Variants in KLF7 observed in about 807,000 individuals in gnomAD.
KLF7 encodes the protein Krueppel-like factor 7.
In KLF7, 2 loss-of-function variants were observed where a neutral mutation model predicts 27.3. The observed-to-expected ratio is 0.07, with a 90% CI of 0.03 to 0.23. The LOEUF (loss-of-function observed/expected upper bound fraction) is 0.23, where lower values mean the gene tolerates loss of function less well. Among genes scored for constraint, KLF7 ranks in the 10% least tolerant of loss-of-function variants. KLF7 has a pLI of 1.00. For missense variants in KLF7, 221 were observed against 394.1 expected, an observed-to-expected ratio of 0.56 and a Z score of 3.72; for synonymous variants, 165 against 162.4, an observed-to-expected ratio of 1.02 and a Z score of -0.12.
rs1415140086 is a variant in KLF7 at position 207,144,427 on chromosome 2, C to T, written c.103-20023G>A. On this transcript the variant is annotated intron_variant, in intron 1 of 3. Coordinates refer to ENST00000309446, the MANE Select transcript of KLF7 (RefSeq NM_003709.4). Reference sequence around the variant, plus strand: ...CCAAATGAACACTTATACATTTTTTCACCAGAACGAAATAATAGCTCTACT... The same window carrying T: ...CCAAATGAACACTTATACATTTTTTTACCAGAACGAAATAATAGCTCTACT... Among the ~76,000 whole-genome samples, 4 of 152,248 alleles carry T rather than the reference C, an allele frequency of 2.6e-5. No homozygotes were observed. In the East Asian group the frequency reaches 7.7e-4, roughly 29 times the overall value.
intron 1 of KLF7, among the ~76,000 whole-genome samples, chr2:207,132,020 AGAGAGT>A (rs1181355132): frequency 2.0e-5 from 3 of 152,246 alleles, no homozygotes; most frequent in African/African-American, 7.2e-5. Flanking sequence ...TGGGAGACCT[AGAGAGT>A]GATTCCTAAC....
At chr2:207,161,897 G>C (rs2078557929) in intron 1 of KLF7, among the ~76,000 whole-genome samples, 1 of 152,174 alleles carries the variant, frequency 6.6e-6, no homozygotes, top group Admixed American at 6.5e-5. Flanking sequence ...TGAGCAAAGA[G>C]AGGCCTGAAA....
the KLF7 span, among the ~76,000 whole-genome samples, chr2:207,172,902 A>G: frequency 6.6e-6 from 1 of 152,250 alleles, no homozygotes; most frequent in Non-Finnish European, 1.5e-5. Flanking sequence ...GTTTGCCACT[A>G]TGAGAGCAGG....
chr2:207,085,424 G>A (rs76954991), intron 3 of KLF7, among the ~76,000 whole-genome samples: 2,516 of 152,244 alleles, frequency 0.017, 39 homozygotes, highest in Middle Eastern at 0.031. Flanking sequence ...ACCACTGATG[G>A]AAACTGAGCC....
intron 1 of KLF7, among the ~76,000 whole-genome samples, chr2:207,158,268 C>CAA (rs1240139902): frequency 6.6e-6 from 1 of 152,180 alleles, no homozygotes; most frequent in Non-Finnish European, 1.5e-5. Flanking sequence ...GTGAGCCTTC[C>CAA]ATTTTCCTTT....
chr2:207,140,679 CT>C (rs1270474914), intron 1 of KLF7, among the ~76,000 whole-genome samples: 3 of 152,168 alleles, frequency 2.0e-5, no homozygotes, highest in African/African-American at 7.2e-5. Context: ...ACAATTTACA[CT>C]TGGCCCTGCT....
intron 1 of KLF7, among the ~76,000 whole-genome samples, chr2:207,158,819 C>A (rs2078460847): frequency 6.6e-6 from 1 of 152,144 alleles, no homozygotes; most frequent in Non-Finnish European, 1.5e-5. Context: ...AGGGAATTTT[C>A]TTGCCTCCTT....
chr2:207,150,022 G>A (rs946059381), intron 1 of KLF7, among the ~76,000 whole-genome samples: 42 of 152,148 alleles, frequency 2.8e-4, no homozygotes, highest in Admixed American at 2.0e-4. Context: ...TCTACTTTCA[G>A]AAGCAAATAG....
intron 2 of KLF7, among the ~76,000 whole-genome samples, chr2:207,118,127 G>A (rs2077237783): frequency 6.6e-6 from 1 of 152,174 alleles, no homozygotes; most frequent in Non-Finnish European, 1.5e-5. Flanking sequence ...CCTGAACCAA[G>A]TTACTTTTTT....
intron 2 of KLF7, among the ~76,000 whole-genome samples, chr2:207,090,670 T>C (rs1391612981): frequency 6.6e-6 from 1 of 152,136 alleles, no homozygotes; most frequent in African/African-American, 2.4e-5. Context: ...GTATCTGAAA[T>C]ATTAGAAACA....
chr2:207,147,645 T>C (rs1052068912), intron 1 of KLF7, among the ~76,000 whole-genome samples: 24 of 152,098 alleles, frequency 1.6e-4, no homozygotes, highest in Non-Finnish European at 2.8e-4. Flanking sequence ...CCTGGCCCCA[T>C]AAAGGTTTCA....
At chr2:207,093,249 A>G (rs2076551401) in intron 2 of KLF7, among the ~76,000 whole-genome samples, 1 of 152,214 alleles carries the variant, frequency 6.6e-6, no homozygotes, top group South Asian at 2.1e-4. Flanking sequence ...GATGAAATTA[A>G]AGTGTAAAAG....
chr2:207,149,899 A>G (rs898657246), intron 1 of KLF7, among the ~76,000 whole-genome samples: 1 of 152,196 alleles, frequency 6.6e-6, no homozygotes, highest in African/African-American at 2.4e-5. Flanking sequence ...GCTTCCATGG[A>G]CGTAGACATA....
chr2:207,120,324 A>G (rs151008676), intron 2 of KLF7, among the ~76,000 whole-genome samples: 295 of 152,348 alleles, frequency 1.9e-3, no homozygotes, highest in African/African-American at 6.8e-3. Flanking sequence ...GATTAAATGA[A>G]TAACACCTTA....
At chr2:207,123,414 A>C (rs1300537577) in intron 2 of KLF7, among the ~76,000 whole-genome samples, 2 of 152,188 alleles carry the variant, frequency 1.3e-5, no homozygotes, top group Non-Finnish European at 2.9e-5. Context: ...CTCAGCTCCC[A>C]GTGTTGATCA....
chr2:207,165,087 C>T (rs904160705), intron 1 of KLF7, among the ~76,000 whole-genome samples: 2 of 146,268 alleles, frequency 1.4e-5, no homozygotes, highest in Non-Finnish European at 3.0e-5. Flanking sequence ...CTCATGCATG[C>T]GAGAACGTGG....
chr2:207,099,809 A>G (rs1018273682), intron 2 of KLF7, among the ~76,000 whole-genome samples: 15 of 152,058 alleles, frequency 9.9e-5, no homozygotes, highest in African/African-American at 3.6e-4. Flanking sequence ...ACTTAAAAAA[A>G]TAAAGGCAAT....
chr2:207,157,519 G>C (rs965545323), intron 1 of KLF7, among the ~76,000 whole-genome samples: 2 of 152,198 alleles, frequency 1.3e-5, no homozygotes, highest in African/African-American at 4.8e-5. Context: ...ATGTGAAAAG[G>C]GGGGAACTTG....
chr2:207,129,730 G>C (rs1417849945), intron 1 of KLF7, among the ~76,000 whole-genome samples: 1 of 98,640 alleles, frequency 1.0e-5, no homozygotes, highest in African/African-American at 4.0e-5. Flanking sequence ...AGGAGGACCT[G>C]ACTTTTCCTC....
Sources: gnomAD v4.1 joint callset for allele counts (sites outside exome capture counted in the v4.1 genomes callset) on GRCh38, gnomAD v4.1.1 for gene constraint, MANE v1.5 for transcripts, NCBI Gene and HGNC (gene_info 2026-07-23, HGNC 2026-07-21) for gene names.